Variants in TAS2R1 observed in about 807,000 individuals in gnomAD.
The protein encoded by TAS2R1 is taste 2 receptor member 1.
For missense variants in TAS2R1, 370 were observed against 353.4 expected, an observed-to-expected ratio of 1.05 and a Z score of -0.38; for synonymous variants, 141 against 134.2, an observed-to-expected ratio of 1.05 and a Z score of -0.35.
chr5:9,736,143 G>A, the TAS2R1 span, among the ~76,000 whole-genome samples: 2 of 152,164 alleles, frequency 1.3e-5, no homozygotes, highest in Non-Finnish European at 2.9e-5. Flanking sequence ...GCTCCTCTCA[G>A]TGTTTTACAC....
the TAS2R1 span, among the ~76,000 whole-genome samples, chr5:9,772,596 G>A: frequency 2.0e-5 from 3 of 152,034 alleles, no homozygotes; most frequent in South Asian, 4.1e-4. Flanking sequence ...AAAGACAGGT[G>A]TTGAAGTCTC....
the TAS2R1 span, among the ~76,000 whole-genome samples, chr5:9,783,391 A>C: frequency 6.6e-6 from 1 of 152,228 alleles, no homozygotes; most frequent in Non-Finnish European, 1.5e-5. Context: ...TGCAATTGCA[A>C]GGCTGGCCTG....
chr5:9,746,097 T>C, the TAS2R1 span, among the ~76,000 whole-genome samples: 2 of 152,028 alleles, frequency 1.3e-5, no homozygotes, highest in Non-Finnish European at 2.9e-5. Context: ...CATCGAAAAG[T>C]AGGCAAAGCA....
At chr5:9,675,592 T>C (rs1456244068) in intron 1 of TAS2R1, among the ~76,000 whole-genome samples, 2 of 151,976 alleles carry the variant, frequency 1.3e-5, no homozygotes, top group African/African-American at 4.8e-5. Context: ...AATTTTTGTA[T>C]TTTTAGCAGA....
chr5:9,817,653 T>C, the TAS2R1 span, among the ~76,000 whole-genome samples: 1 of 152,288 alleles, frequency 6.6e-6, no homozygotes, highest in African/African-American at 2.4e-5. Context: ...AACTAGAAGA[T>C]ACTGAGGAGC....
At chr5:9,673,693 G>T (rs1053746763) in intron 1 of TAS2R1, among the ~76,000 whole-genome samples, 11 of 151,802 alleles carry the variant, frequency 7.2e-5, no homozygotes, top group Non-Finnish European at 1.2e-4. Context: ...AAAGTTTAGC[G>T]TTACCAGAGG....
Position 9,630,326 on chromosome 5 carries a change from C to G in TAS2R1, c.-294G>C, listed in dbSNP as rs1360078879. ...AGTCATCACAGGCAAATAATGGAATCAGACACCTTCAGACAGCTGGGAGAA... is the reference window on the plus strand; with the variant it reads ...AGTCATCACAGGCAAATAATGGAATGAGACACCTTCAGACAGCTGGGAGAA... On this transcript the variant is annotated 5_prime_UTR_variant, in exon 1 of 1. Coordinates refer to ENST00000382492, the MANE Select transcript of TAS2R1 (RefSeq NM_019599.3). The G allele has an allele frequency of 4.5e-6, 1 of 221,288 alleles. No individual in the cohort carries two copies. Among genetic ancestry groups the G allele is most frequent in the South Asian group, 1.4e-4 (1 of 7,186 alleles). The allele number at this position is 221,288 out of a possible 1,614,324, so 13.7% of individuals were successfully genotyped here.
At chr5:9,899,710 CTA>C in the TAS2R1 span, among the ~76,000 whole-genome samples, 183 of 151,932 alleles carry the variant, frequency 1.2e-3, no homozygotes, top group African/African-American at 4.1e-3. Context: ...AAACTAGACT[CTA>C]TGTAAATAGA....
At chr5:9,816,565 G>A in the TAS2R1 span, among the ~76,000 whole-genome samples, 6 of 151,800 alleles carry the variant, frequency 4.0e-5, no homozygotes, top group African/African-American at 1.5e-4. Context: ...TCAGGATAGT[G>A]CCATACTACC....
intron 1 of TAS2R1, among the ~76,000 whole-genome samples, chr5:9,667,647 G>T (rs144559400): frequency 3.7e-4 from 57 of 152,260 alleles, no homozygotes; most frequent in African/African-American, 1.3e-3. Context: ...TGGGCATGAA[G>T]ACAGTAATCA....
chr5:9,864,334 G>C, the TAS2R1 span, among the ~76,000 whole-genome samples: 3 of 152,094 alleles, frequency 2.0e-5, no homozygotes, highest in African/African-American at 7.2e-5. Flanking sequence ...TTCTTAGAAG[G>C]TAAAGTAGCC....
chr5:9,657,824 A>G (rs574872818), intron 2 of TAS2R1, among the ~76,000 whole-genome samples: 2 of 152,334 alleles, frequency 1.3e-5, no homozygotes, highest in African/African-American at 4.8e-5. Flanking sequence ...GTCACACAAC[A>G]ATGTGAATGC....
chr5:9,730,472 C>T, the TAS2R1 span, among the ~76,000 whole-genome samples: 2 of 152,200 alleles, frequency 1.3e-5, no homozygotes, highest in African/African-American at 4.8e-5. Context: ...AATAAAGGCG[C>T]TGCCACACCT....
the TAS2R1 span, among the ~76,000 whole-genome samples, chr5:9,817,443 AAAATT>A: frequency 6.6e-6 from 1 of 152,238 alleles, no homozygotes; most frequent in African/African-American, 2.4e-5. Flanking sequence ...TGATCTAGAA[AAAATT>A]AAATTGAGAT....
At chr5:9,661,038 C>G (rs1013884102) in intron 1 of TAS2R1, among the ~76,000 whole-genome samples, 1 of 152,176 alleles carries the variant, frequency 6.6e-6, no homozygotes, top group Non-Finnish European at 1.5e-5. Flanking sequence ...CTGCCAACAT[C>G]TTCATTTCAG....
chr5:9,658,535 G>A (rs1007345447), intron 2 of TAS2R1: 16 of 152,148 alleles, frequency 1.1e-4, no homozygotes, highest in African/African-American at 3.4e-4. Context: ...AGTGCTGCTC[G>A]GCTGAGAGCT....
chr5:9,864,263 T>C, the TAS2R1 span, among the ~76,000 whole-genome samples: 9 of 152,282 alleles, frequency 5.9e-5, no homozygotes, highest in African/African-American at 1.9e-4. Context: ...AGATGGAACA[T>C]GTTCATGCCA....
the TAS2R1 span, among the ~76,000 whole-genome samples, chr5:9,811,991 C>G: frequency 6.6e-6 from 1 of 152,126 alleles, no homozygotes; most frequent in East Asian, 1.9e-4. Flanking sequence ...CTTCCTCCCC[C>G]CGCATTGCTT....
intron 1 of TAS2R1, among the ~76,000 whole-genome samples, chr5:9,701,461 T>G (rs1388255872): frequency 6.6e-6 from 1 of 152,066 alleles, no homozygotes; most frequent in African/African-American, 2.4e-5. Flanking sequence ...TGACATTGGG[T>G]GTTTCAAAAC....
Sources: gnomAD v4.1 joint callset for allele counts (sites outside exome capture counted in the v4.1 genomes callset) on GRCh38, gnomAD v4.1.1 for gene constraint, MANE v1.5 for transcripts, NCBI Gene and HGNC (gene_info 2026-07-23, HGNC 2026-07-21) for gene names.